SBNO2: variants seen among roughly 807,000 people sequenced by gnomAD.
SBNO2 encodes the protein strawberry notch homolog 2, also known as protein strawberry notch homolog 2.
SBNO2 carries 89 observed loss-of-function variants against 146.3 expected under a neutral mutation model. The observed-to-expected ratio is 0.61, with a 90% confidence interval of 0.51 to 0.73. The LOEUF (loss-of-function observed/expected upper bound fraction) is 0.73, where lower values mean the gene tolerates loss of function less well. Ranked by LOEUF, SBNO2 falls within the 30% of genes least tolerant of loss-of-function variation. The pLI, the probability that SBNO2 is intolerant of heterozygous loss-of-function variation, is 0.00. For missense variants in SBNO2, 2,092 were observed against 2,003.7 expected, an observed-to-expected ratio of 1.04 and a Z score of -0.84; for synonymous variants, 1,147 against 892.6, an observed-to-expected ratio of 1.29 and a Z score of -5.08.
intron 16 of SBNO2, 102 bp from the exon 17 acceptor site, chr19:1,116,205 G>A (rs776536557): frequency 2.9e-5 from 30 of 1,035,204 alleles, no homozygotes; most frequent in Admixed American, 6.8e-5. Flanking sequence ...TGGGGGTCCC[G>A]GACAGGACCG....
chr19:1,169,173 C>T (rs1298829221), intron 1 of SBNO2: 1 of 152,298 alleles, frequency 6.6e-6, no homozygotes, highest in Non-Finnish European at 1.5e-5. Flanking sequence ...CCAGCACTCC[C>T]ATGCCCTGCA....
intron 1 of SBNO2, among the ~76,000 whole-genome samples, chr19:1,165,031 G>C (rs7507563): frequency 0.27 from 40,411 of 151,422 alleles, 6,254 homozygotes; most frequent in East Asian, 0.45. Flanking sequence ...GGGTGTGCCC[G>C]GAGGAGGTCA....
In SBNO2 at chr19:1,109,498, G is replaced by C. The variant is rs779107394; in HGVS notation, c.3216+8C>G. 2 of 1,589,728 alleles carry C rather than the reference G, an allele frequency of 1.3e-6. No homozygotes were observed. The highest frequency in any genetic ancestry group is 2.3e-5 in the South Asian group (2 of 87,690). On this transcript the variant is annotated splice_region_variant and intron_variant, in intron 28 of 31. Transcript: ENST00000361757. This position sits in a 1 kb window ranked among gnomAD's most constrained non-coding sequence, Gnocchi z 4.2. ...CTCCTCTGGGGGGGTAACCCCGCCCGACCCCACCTTGTAGGAGAGGTAGAA... is the reference window on the plus strand; with the variant it reads ...CTCCTCTGGGGGGGTAACCCCGCCCCACCCCACCTTGTAGGAGAGGTAGAA...
At chr19:1,169,757 T>G (rs1306292180) in intron 1 of SBNO2, among the ~76,000 whole-genome samples, 1 of 152,160 alleles carries the variant, frequency 6.6e-6, no homozygotes, top group Non-Finnish European at 1.5e-5. Context: ...AGGTCTTACT[T>G]TCTGTTAAAC....
chr19:1,108,507 G>T lies in SBNO2; in HGVS notation c.3814C>A (p.Pro1272Thr). The change falls in exon 32 of 32, where the codon CCG (proline) becomes ACG (threonine). Residue 1272 changes from proline (P) to threonine (T), a missense_variant. Transcript: ENST00000361757. ...AGCGGCGCCGGGAAAGAGAAGTGCGGGGGCGGCGGGAAGGCCTCGGCCGGG... is the reference window on the plus strand; with the variant it reads ...AGCGGCGCCGGGAAAGAGAAGTGCGTGGGCGGCGGGAAGGCCTCGGCCGGG... ...SPPAEAFPPPPHFSFPAPLSL... is the reference protein window; with the variant it reads ...SPPAEAFPPPTHFSFPAPLSL... 8.2e-7 allele frequency: 1 copy of T among 1,219,704 alleles called. No homozygotes were observed. Among genetic ancestry groups the T allele is most frequent in the Non-Finnish European group, 1.0e-6 (1 of 977,318 alleles). The allele number at this position is 1,219,704 out of a possible 1,614,324, so 75.6% of individuals were successfully genotyped here. A position where few individuals can be genotyped will look rare whatever the true frequency, so the allele number is the denominator to read the frequency against.
In SBNO2 at chr19:1,136,739, C is replaced by T. The variant is rs776205464; in HGVS notation, c.280-8974G>A. ...CCGAGGCATCTGACCCCTGCTGAAA[C>T]GCATCTGCAGAACAGTCAATGCTGC... On this transcript the variant is annotated intron_variant, in intron 4 of 31. Coordinates refer to ENST00000361757, the MANE Select transcript of SBNO2 (RefSeq NM_014963.3). The surrounding 1 kb of genome is among the most constrained non-coding windows in gnomAD (Gnocchi z 4.2). Among the ~76,000 whole-genome samples, 5 of 152,206 alleles carry T rather than the reference C, an allele frequency of 3.3e-5. No individual in the cohort carries two copies. Among genetic ancestry groups the T allele is most frequent in the Non-Finnish European group, 5.9e-5 (4 of 68,036 alleles).
intron 2 of SBNO2, among the ~76,000 whole-genome samples, chr19:1,149,734 G>A (rs1260456237): frequency 2.0e-5 from 3 of 152,238 alleles, no homozygotes; most frequent in South Asian, 2.1e-4. Context: ...GTGCAGGCCC[G>A]CAGCCCGGGA....
At position 1,173,436 on chromosome 19, in the gene SBNO2, G is replaced by A. The variant is rs758245898; in HGVS notation, c.-127+736C>T. Among the ~76,000 whole-genome samples the A allele has an allele frequency of 4.6e-5, 7 of 152,298 alleles. No individual in the cohort carries two copies. In the South Asian group the frequency reaches 1.2e-3, roughly 27 times the overall value. ...AGCAAGCCCCCATCCCAAACCGGGGGACCTCCATGCAGAAACCGAAAAACC... is the reference window on the plus strand; with the variant it reads ...AGCAAGCCCCCATCCCAAACCGGGGAACCTCCATGCAGAAACCGAAAAACC... On this transcript the variant is annotated intron_variant, in intron 1 of 31. Transcript: ENST00000361757. This position sits in a 1 kb window ranked among gnomAD's most constrained non-coding sequence, Gnocchi z 4.7.
intron 4 of SBNO2, among the ~76,000 whole-genome samples, chr19:1,135,244 C>G (rs1324714934): frequency 2.6e-5 from 4 of 151,684 alleles, no homozygotes; most frequent in African/African-American, 7.3e-5. Context: ...CACCTGTGGT[C>G]CCAGCTGCTC....
Position 1,113,588 on chromosome 19 carries a change from T to C in SBNO2, c.2194A>G (p.Asn732Asp). 6.2e-7 allele frequency: 1 copy of C among 1,600,486 alleles called. No homozygotes were observed. The highest frequency in any genetic ancestry group is 8.5e-7 in the Non-Finnish European group (1 of 1,175,162). Reference protein sequence around the residue: ...VRRLGRELPVNTLDELIDQLG... With the variant: ...VRRLGRELPVDTLDELIDQLG... ...TGGTCGATGAGCTCGTCCAGGGTGT[T>C]GACTGGCAGTTCCCGGCCCAGCCGC... Residue 732 changes from asparagine (N) to aspartate (D), a missense_variant, in exon 19 of 32, where the codon AAC becomes GAC. Coordinates refer to ENST00000361757, the MANE Select transcript of SBNO2 (RefSeq NM_014963.3).
rs528638848 is a variant in SBNO2, at chr19:1,159,968, C to T, written c.-126-5566G>A. Among the ~76,000 whole-genome samples the T allele has an allele frequency of 1.5e-4, 23 of 152,146 alleles. 1 individual carries two copies. In the East Asian group the frequency reaches 3.9e-3, roughly 26 times the overall value. On this transcript the variant is annotated intron_variant, in intron 1 of 31. Coordinates refer to ENST00000361757, the MANE Select transcript of SBNO2 (RefSeq NM_014963.3). Reference sequence around the variant, plus strand: ...TGGGTGAGGGAGACCCCAGAGTGTCCGGCGCTGCCCCTGCCCACGCCAGTG... The same window carrying T: ...TGGGTGAGGGAGACCCCAGAGTGTCTGGCGCTGCCCCTGCCCACGCCAGTG...
At chr19:1,156,686 C>T (rs1490957469) in intron 1 of SBNO2, among the ~76,000 whole-genome samples, 1 of 152,156 alleles carries the variant, frequency 6.6e-6, no homozygotes, top group Non-Finnish European at 1.5e-5. Flanking sequence ...GCAGCGAGGC[C>T]GACCTAGGCC....
rs996498912 is a variant in SBNO2, at chr19:1,144,331, TTA to T, written c.279+2976_279+2977del. ...TTCCTCCAAATGAAGTTCTGCTGCTTTAACAGGGAGATTTGGGTCCAAGCTGC... is the reference window on the plus strand; with the variant it reads ...TTCCTCCAAATGAAGTTCTGCTGCTTACAGGGAGATTTGGGTCCAAGCTGC... On this transcript the variant is annotated intron_variant, in intron 4 of 31. Transcript: ENST00000361757. This position sits in a 1 kb window ranked among gnomAD's most constrained non-coding sequence, Gnocchi z 4.1. Among the ~76,000 whole-genome samples, 2 of 152,114 alleles carry T rather than the reference TTA, an allele frequency of 1.3e-5. No individual in the cohort carries two copies. The highest frequency in any genetic ancestry group is 4.8e-5 in the African/African-American group (2 of 41,422).
intron 3 of SBNO2, among the ~76,000 whole-genome samples, chr19:1,148,128 T>G (rs2080211588): frequency 6.6e-6 from 1 of 151,698 alleles, no homozygotes; most frequent in African/African-American, 2.4e-5. Context: ...CTCCAGAAGC[T>G]TCTCTCCAGC....
chr19:1,131,226 C>T (rs1013657769), intron 4 of SBNO2, among the ~76,000 whole-genome samples: 3 of 152,202 alleles, frequency 2.0e-5, no homozygotes, highest in African/African-American at 7.2e-5. Flanking sequence ...CTCAGCTCAG[C>T]GGACCCAGTG....
rs756764477 is a variant in SBNO2, at chr19:1,109,352, G to A, written c.3288C>T (p.Pro1096=). Reference sequence around the variant, plus strand: ...CCAGCTGGCTCTGCCGGCCGATGTTGGGCTTGTACACCGTGAAGAACTGGC... The same window carrying A: ...CCAGCTGGCTCTGCCGGCCGATGTTAGGCTTGTACACCGTGAAGAACTGGC... ...NRGQFFTVYK[P]NIGRQSQLEA... is the part of the protein sequence containing the mutation. Residue 1096 remains proline, a synonymous_variant, in exon 29 of 32, where the codon CCC becomes CCT. Transcript: ENST00000361757. This position sits in a 1 kb window ranked among gnomAD's most constrained non-coding sequence, Gnocchi z 4.2. The A allele has an allele frequency of 2.0e-5, 32 of 1,592,730 alleles. No individual in the cohort carries two copies. In the South Asian group the frequency reaches 3.1e-4, roughly 15 times the overall value.
chr19:1,117,564 C>G, intron 14 of SBNO2, 65 bp from the exon 15 acceptor site: 1 of 1,474,282 alleles, frequency 6.8e-7, no homozygotes, highest in Non-Finnish European at 9.0e-7. Context: ...GGGCCCCGGC[C>G]CACCTGCCGC....
Position 1,147,436 on chromosome 19 carries a change from G to T in SBNO2, c.168-16C>A, listed in dbSNP as rs780661647. 30 of 1,301,300 alleles carry T rather than the reference G, an allele frequency of 2.3e-5. 2 individuals are homozygous for T. The highest frequency in any genetic ancestry group is 1.1e-4 in the East Asian group (4 of 37,002). The allele number at this position is 1,301,300 out of a possible 1,614,324, so 80.6% of individuals were successfully genotyped here. On this transcript the variant is annotated splice_polypyrimidine_tract_variant and intron_variant, in intron 3 of 31. Coordinates refer to ENST00000361757, the MANE Select transcript of SBNO2 (RefSeq NM_014963.3). ...CATGAACGGGCTGGAGGGAGATGGG[G>T]GGGGGGGAGGTGAGATGGGGTGCTC...
At chr19:1,128,167 G>A (rs1376312275) in intron 4 of SBNO2, 1 of 478,984 alleles carries the variant, frequency 2.1e-6, no homozygotes, top group Non-Finnish European at 4.2e-6. Flanking sequence ...CAAGCAATGG[G>A]TGAGAAACAC....
Sources: allele counts gnomAD v4.1 joint callset (sites outside exome capture counted in the v4.1 genomes callset), GRCh38; gene constraint gnomAD v4.1.1; non-coding constraint Gnocchi (gnomAD v3.1); transcripts MANE v1.5; gene names NCBI Gene and HGNC (gene_info 2026-07-23, HGNC 2026-07-21).